Variants in RBM3 observed in about 807,000 individuals in gnomAD.
RBM3 encodes RNA-binding protein 3.
RBM3 carries 3 observed loss-of-function variants against 12.0 expected under a neutral mutation model. The ratio of observed to expected loss-of-function variants is 0.25; its 90% CI spans 0.11 to 0.65. The LOEUF (loss-of-function observed/expected upper bound fraction) is 0.65, where lower values mean the gene tolerates loss of function less well. Ranked by LOEUF, RBM3 falls within the 30% of genes least tolerant of loss-of-function variation. The probability of loss-of-function intolerance (pLI) is 0.84; values close to 1 mark genes in which losing one functional copy is unlikely to be tolerated. For synonymous variants in RBM3, 58 were observed against 45.7 expected (o/e 1.27, Z -1.08); for missense variants, 108 against 134.5 (o/e 0.80, Z 0.97).
In RBM3 at chrX:48,577,793, G is replaced by T; in HGVS notation, c.*352G>T. ...CAGACTGACTTCAAAAAATTAATGT[G>T]TATCCAGGGACATTTTAAAAACCTG... On this transcript the variant is annotated 3_prime_UTR_variant, in exon 7 of 7. Transcript: ENST00000376759. 1 of 188,192 alleles carries T rather than the reference G, an allele frequency of 5.3e-6. No homozygotes were observed. Among genetic ancestry groups the T allele is most frequent in the Non-Finnish European group, 9.9e-6 (1 of 101,276 alleles). The allele number at this position is 188,192 out of a possible 1,213,427, so 15.5% of individuals were successfully genotyped here.
At chrX:48,575,110 T>C (rs782003083) in intron 1 of RBM3, 58 bp from the exon 2 acceptor site, 16 of 858,968 alleles carry the variant, frequency 1.9e-5, no homozygotes, top group East Asian at 9.9e-5. Context: ...CTCGCTATTT[T>C]CTCACATCTC....
chrX:48,576,952 T>C (rs2062083186), intron 5 of RBM3, 74 bp from the exon 6 acceptor site: 5 of 1,117,282 alleles, frequency 4.5e-6, no homozygotes, highest in Admixed American at 2.4e-5. Flanking sequence ...TACTGTAAAA[T>C]GTGACGCATA....
intron 5 of RBM3, 135 bp from the exon 6 acceptor site, chrX:48,576,891 A>G: frequency 2.4e-6 from 2 of 830,323 alleles, no homozygotes; most frequent in Non-Finnish European, 3.4e-6. Flanking sequence ...TGTGATACTC[A>G]TATGCTTAAC....
chrX:48,575,510 C>CAG, intron 2 of RBM3, 51 bp from the exon 3 acceptor site: 2 of 1,092,915 alleles, frequency 1.8e-6, no homozygotes, highest in East Asian at 6.2e-5. Flanking sequence ...GCTACTTAAC[C>CAG]TTTGGGGTAC....
At chrX:48,575,738 C>A in intron 3 of RBM3, 71 bp downstream of exon 3, 1 of 1,006,450 alleles carries the variant, frequency 9.9e-7, no homozygotes, top group Non-Finnish European at 1.4e-6. Flanking sequence ...GTTTTTCCCT[C>A]TGTGTCTGCT....
intron 5 of RBM3, among the ~76,000 whole-genome samples, chrX:48,576,820 C>T (rs2062082507): frequency 8.9e-6 from 1 of 112,030 alleles, no homozygotes; most frequent in Non-Finnish European, 1.9e-5. Context: ...AACTATATTG[C>T]TTTAACATGT....
In RBM3 at chrX:48,577,635, A is replaced by T. The variant is rs977980020; in HGVS notation, c.*194A>T. On this transcript the variant is annotated 3_prime_UTR_variant, in exon 7 of 7. Transcript: ENST00000376759. ...TTTAGACAGTTCCATCTTTTTTTTT[A>T]AATTTTTTCTGCCTATTTAAAGACA... The T allele has an allele frequency of 1.7e-4, 57 of 326,969 alleles. No individual in the cohort carries two copies. Among genetic ancestry groups the T allele is most frequent in the African/African-American group, 2.0e-4 (7 of 34,509 alleles). The allele number at this position is 326,969 out of a possible 1,213,427, so 26.9% of individuals were successfully genotyped here.
chrX:48,575,460 T>C, intron 2 of RBM3, 101 bp from the exon 3 acceptor site: 2 of 846,310 alleles, frequency 2.4e-6, no homozygotes, highest in Non-Finnish European at 3.4e-6. Flanking sequence ...GAGCGCTCCG[T>C]TTTCCCTACC....
rs2062086753 is a variant in RBM3, at chrX:48,577,552, T to C, written c.*111T>C. The C allele has an allele frequency of 2.2e-6, 2 of 896,976 alleles. No individual in the cohort carries two copies. Among genetic ancestry groups the C allele is most frequent in the Non-Finnish European group, 2.9e-6 (2 of 681,469 alleles). 73.9% of individuals were successfully genotyped at this position (896,976 alleles called of 1,213,427 possible). ...TTTGGAGCTGCACCGAAGCATCTTA[T>C]TTTATAGTATATCAACCTTTTGTTT... On this transcript the variant is annotated 3_prime_UTR_variant, in exon 7 of 7. Coordinates refer to ENST00000376759, the MANE Select transcript of RBM3 (RefSeq NM_006743.5).
Position 48,577,006 on chromosome X carries a change from G to T in RBM3, c.414-20G>T. On this transcript the variant is annotated intron_variant, in intron 5 of 6. Coordinates refer to ENST00000376759, the MANE Select transcript of RBM3 (RefSeq NM_006743.5). ...TAATGCAGTACCAGAAAACTTTTGT[G>T]TGTTTTTTTTCCCCCCCAGAAACCA... is the stretch of plus-strand genomic sequence containing the variant. 1 of 1,207,010 alleles carries T rather than the reference G, an allele frequency of 8.3e-7. No homozygotes were observed. Among genetic ancestry groups the T allele is most frequent in the Non-Finnish European group, 1.1e-6 (1 of 893,372 alleles).
intron 1 of RBM3, 28 bp from the exon 2 acceptor site, chrX:48,575,140 G>A (rs1556988932): frequency 9.5e-7 from 1 of 1,057,851 alleles, no homozygotes; most frequent in Non-Finnish European, 1.3e-6. Flanking sequence ...TCTCCTTCCT[G>A]CCACCATTCT....
chrX:48,575,829 C>T, intron 3 of RBM3, 162 bp downstream of exon 3: 1 of 583,806 alleles, frequency 1.7e-6, no homozygotes, highest in East Asian at 3.6e-5. Context: ...TGGAGGGCAG[C>T]GGCAGACAGA....
rs369855571 is a variant in RBM3 at position 48,576,406 on chromosome X, C to T, written c.303C>T (p.Arg101=). Residue 101 remains arginine, a synonymous_variant, in exon 4 of 7, where the codon CGC becomes CGT. Transcript: ENST00000376759. The part of the protein sequence containing the change: ...GGGFGAHGRG[R]SYSRGGGDQG... ...GCTTTGGGGCCCATGGGCGTGGTCG[C>T]AGCTACTCTAGAGGTGAGTGCAGTG... The T allele has an allele frequency of 5.8e-6, 7 of 1,208,309 alleles. No individual in the cohort carries two copies. The African/African-American group carries it at 8.8e-5, about 15-fold the overall frequency.
chrX:48,576,634 C>T (rs1219708928), intron 5 of RBM3, 30 bp downstream of exon 5: 1 of 1,160,574 alleles, frequency 8.6e-7, no homozygotes, highest in Non-Finnish European at 1.1e-6. Context: ...GGATGTTCTC[C>T]TATTGCTTCC....
intron 6 of RBM3, 37 bp from the exon 7 acceptor site, chrX:48,577,428 C>A (rs1401841625): frequency 2.1e-6 from 2 of 950,403 alleles, no homozygotes; most frequent in South Asian, 2.2e-5. Flanking sequence ...GCTGTTACTT[C>A]ATGACATCAC....
At chrX:48,577,163 C>T (rs1410045669) in intron 6 of RBM3, 54 bp downstream of exon 6, 4 of 1,202,266 alleles carry the variant, frequency 3.3e-6, no homozygotes, top group Non-Finnish European at 4.5e-6. Context: ...TCTGTCATGA[C>T]CCTCTCACCT....
chrX:48,574,993 C>G, intron 1 of RBM3, 175 bp from the exon 2 acceptor site: 1 of 457,160 alleles, frequency 2.2e-6, no homozygotes, highest in Admixed American at 3.3e-5. Context: ...GCTGAGCCAG[C>G]TCCTCAGATT....
intron 5 of RBM3, 47 bp from the exon 6 acceptor site, chrX:48,576,979 T>C (rs2062083366): frequency 8.5e-7 from 1 of 1,183,361 alleles, no homozygotes; most frequent in Non-Finnish European, 1.1e-6. Flanking sequence ...CAGTGGTATA[T>C]ATAATGCAGT....
chrX:48,576,229 T>C (rs1556989167), intron 3 of RBM3, 85 bp from the exon 4 acceptor site: 1 of 1,167,466 alleles, frequency 8.6e-7, no homozygotes, highest in Admixed American at 2.6e-5. Context: ...TTTGGCCTCT[T>C]TTGCCCACTT....
Sources: gnomAD v4.1 joint callset for allele counts (sites outside exome capture counted in the v4.1 genomes callset) on GRCh38, gnomAD v4.1.1 for gene constraint, MANE v1.5 for transcripts, NCBI Gene and HGNC (gene_info 2026-07-23, HGNC 2026-07-21) for gene names.